OR2L13: variants seen among roughly 807,000 people sequenced by gnomAD.
OR2L13 encodes the protein olfactory receptor 2L13.
In OR2L13, 14 loss-of-function variants were observed where a neutral mutation model predicts 15.3. The observed-to-expected ratio is 0.91, with a 90% confidence interval of 0.60 to 1.43. The LOEUF is 1.43. Ranked by LOEUF, OR2L13 falls within the 40% of genes most tolerant of loss-of-function variation. The probability of loss-of-function intolerance (pLI) is 0.00; values close to 1 mark genes in which losing one functional copy is unlikely to be tolerated. For synonymous variants in OR2L13, 152 were observed against 142.9 expected (o/e 1.06, Z -0.45); for missense variants, 367 against 387.9 (o/e 0.95, Z 0.45).
chr1:248,076,278 C>T, the OR2L13 span, among the ~76,000 whole-genome samples: 2 of 152,078 alleles, frequency 1.3e-5, no homozygotes, highest in Non-Finnish European at 2.9e-5. Flanking sequence ...AGTCAGGTAG[C>T]GTGATGCCTC....
At chr1:247,967,587 GT>G in the OR2L13 span, among the ~76,000 whole-genome samples, 1 of 151,934 alleles carries the variant, frequency 6.6e-6, no homozygotes, top group African/African-American at 2.4e-5. Flanking sequence ...TACTATTGAT[GT>G]TTTTTAGTAT....
chr1:247,974,946 G>T, the OR2L13 span: 2 of 286,230 alleles, frequency 7.0e-6, no homozygotes, highest in South Asian at 1.0e-4. Flanking sequence ...CTACCTCATT[G>T]ACCTAAATTA....
upstream of OR2L13, among the ~76,000 whole-genome samples, chr1:248,095,837 C>T (rs948150868): frequency 8.6e-5 from 13 of 150,488 alleles, no homozygotes; most frequent in African/African-American, 2.4e-4. Flanking sequence ...GAACTCCTGA[C>T]CTCGTGATCC....
At chr1:248,099,913 G>A (rs781553876) in exon 3 of OR2L13, 4 of 1,614,116 alleles carry the variant, frequency 2.5e-6, no homozygotes, top group African/African-American at 1.3e-5. Flanking sequence ...CTTCTGCGAT[G>A]TCCCAGCCAT....
At chr1:247,993,840 C>T in the OR2L13 span, among the ~76,000 whole-genome samples, 1 of 123,410 alleles carries the variant, frequency 8.1e-6, no homozygotes, top group Admixed American at 8.2e-5. Flanking sequence ...AGAGAGAGAC[C>T]TTGTCATGAA....
chr1:248,058,805 T>C, the OR2L13 span, among the ~76,000 whole-genome samples: 1 of 152,100 alleles, frequency 6.6e-6, no homozygotes, highest in East Asian at 1.9e-4. Context: ...CTTAAGCACA[T>C]ATTGTTCCTC....
At chr1:248,008,223 T>C in the OR2L13 span, among the ~76,000 whole-genome samples, 1,350 of 152,268 alleles carry the variant, frequency 8.9e-3, 9 homozygotes, top group Non-Finnish European at 0.014. Flanking sequence ...ACCCTTATTT[T>C]CCACTAGCTT....
the OR2L13 span, chr1:248,045,854 T>C: frequency 1.3e-5 from 2 of 152,214 alleles, no homozygotes; most frequent in Non-Finnish European, 2.9e-5. Flanking sequence ...TCTTGGTTCC[T>C]TCTCCACTGC....
chr1:248,067,749 A>C, the OR2L13 span, among the ~76,000 whole-genome samples: 654 of 152,332 alleles, frequency 4.3e-3, 2 homozygotes, highest in African/African-American at 0.015. Flanking sequence ...AGTCGAAGAA[A>C]GGGGTGACAG....
At chr1:248,072,816 C>G in the OR2L13 span, among the ~76,000 whole-genome samples, 14 of 151,598 alleles carry the variant, frequency 9.2e-5, no homozygotes, top group African/African-American at 2.4e-5. Context: ...GTGGGCAAAG[C>G]ACATGAACAG....
At chr1:247,954,282 T>C in the OR2L13 span, among the ~76,000 whole-genome samples, 3 of 152,186 alleles carry the variant, frequency 2.0e-5, no homozygotes, top group Non-Finnish European at 4.4e-5. Context: ...ACAATGACTT[T>C]TAAAGGCTAA....
chr1:248,068,626 G>A, the OR2L13 span, among the ~76,000 whole-genome samples: 4 of 152,342 alleles, frequency 2.6e-5, no homozygotes, highest in East Asian at 1.9e-4. Flanking sequence ...AAAGCTGGAC[G>A]GAGACTGACT....
the OR2L13 span, among the ~76,000 whole-genome samples, chr1:248,074,747 C>A: frequency 6.6e-6 from 1 of 152,074 alleles, no homozygotes; most frequent in Non-Finnish European, 1.5e-5. Context: ...ACCTGGATGA[C>A]AGAATTTGTA....
chr1:247,960,449 C>G, the OR2L13 span, among the ~76,000 whole-genome samples: 5 of 152,292 alleles, frequency 3.3e-5, no homozygotes, highest in East Asian at 7.7e-4. Flanking sequence ...CTGGGAGAAC[C>G]ACTACTCTCT....
At chr1:248,071,289 G>C in the OR2L13 span, among the ~76,000 whole-genome samples, 1 of 151,968 alleles carries the variant, frequency 6.6e-6, no homozygotes, top group East Asian at 1.9e-4. Flanking sequence ...TGATCAAGTG[G>C]GCTTCATCCC....
the OR2L13 span, among the ~76,000 whole-genome samples, chr1:247,985,900 A>T: frequency 6.6e-6 from 1 of 152,154 alleles, no homozygotes; most frequent in East Asian, 1.9e-4. Context: ...TGGCAGCATA[A>T]ATGTCTTCTT....
the OR2L13 span, among the ~76,000 whole-genome samples, chr1:248,002,630 G>A: frequency 6.6e-6 from 1 of 152,208 alleles, no homozygotes; most frequent in Non-Finnish European, 1.5e-5. Context: ...AGGCCCAGGT[G>A]GGAGGATCAC....
the OR2L13 span, among the ~76,000 whole-genome samples, chr1:248,035,798 C>T: frequency 6.6e-6 from 1 of 152,146 alleles, no homozygotes; most frequent in African/African-American, 2.4e-5. Context: ...CCCCCACACT[C>T]ATTACCTTTC....
upstream of OR2L13, among the ~76,000 whole-genome samples, chr1:248,090,661 T>G (rs1168733384): frequency 1.3e-5 from 2 of 152,210 alleles, no homozygotes; most frequent in South Asian, 4.1e-4. Flanking sequence ...GTATATGTAC[T>G]ACGTTTTCTT....
Sources: gnomAD v4.1 joint callset for allele counts (sites outside exome capture counted in the v4.1 genomes callset) on GRCh38, gnomAD v4.1.1 for gene constraint, MANE v1.5 for transcripts, NCBI Gene and HGNC (gene_info 2026-07-23, HGNC 2026-07-21) for gene names.